SLC12A7: variants seen among roughly 807,000 people sequenced by gnomAD.
The protein encoded by SLC12A7 is K-Cl cotransporter 4.
In SLC12A7, 100 loss-of-function variants were observed where a neutral mutation model predicts 120.6. The ratio of observed to expected loss-of-function variants is 0.83; its 90% CI spans 0.71 to 0.98. The LOEUF is 0.98. Among genes scored for constraint, SLC12A7 ranks in the 50% least tolerant of loss-of-function variants. SLC12A7 has a pLI of 0.00. For synonymous variants in SLC12A7, 760 were observed against 678.0 expected, an observed-to-expected ratio of 1.12 and a Z score of -1.88; for missense variants, 1,373 against 1,548.1, an observed-to-expected ratio of 0.89 and a Z score of 1.90.
At chr5:1,155,515 A>G in the SLC12A7 span, among the ~76,000 whole-genome samples, 1 of 151,660 alleles carries the variant, frequency 6.6e-6, no homozygotes, top group African/African-American at 2.4e-5. Flanking sequence ...AGGTCCCCGG[A>G]GCGCGCGGCG....
chr5:1,118,194 C>T, the SLC12A7 span, among the ~76,000 whole-genome samples: 2 of 152,176 alleles, frequency 1.3e-5, no homozygotes, highest in African/African-American at 2.4e-5. Context: ...ATTGCGATTC[C>T]CCTGATTTGA....
At chr5:1,116,717 C>G (rs2126312879), upstream of SLC12A7, among the ~76,000 whole-genome samples, 1 of 152,316 alleles carries the variant, frequency 6.6e-6, no homozygotes, top group South Asian at 2.1e-4. Context: ...CAGAATCTCA[C>G]ACGGACGCCC....
At chr5:1,140,639 G>T in the SLC12A7 span, among the ~76,000 whole-genome samples, 3 of 152,250 alleles carry the variant, frequency 2.0e-5, no homozygotes, top group Non-Finnish European at 4.4e-5. Context: ...AACTCGCACC[G>T]CTGGCTCCAC....
At chr5:1,100,764 G>A (rs924279006) in intron 1 of SLC12A7, among the ~76,000 whole-genome samples, 2 of 152,188 alleles carry the variant, frequency 1.3e-5, no homozygotes, top group African/African-American at 4.8e-5. Context: ...CTCTAAAAAG[G>A]ACCAGGACTC....
chr5:1,063,839 C>A lies in SLC12A7; in HGVS notation c.2739+5G>T. On this transcript the variant is annotated splice_donor_5th_base_variant and intron_variant, in intron 20 of 23. Transcript: ENST00000264930. ...GCCTCCTCCCCTCAAGCCCTCGGGA[C>A]TCACCATCTCCACCACCTCCACCTC... 1.3e-6 allele frequency: 2 copies of A among 1,532,084 alleles called. No individual in the cohort carries two copies. The highest frequency in any genetic ancestry group is 4.8e-5 in the East Asian group (2 of 41,306). The allele number at this position is 1,532,084 out of a possible 1,614,324, so 94.9% of individuals were successfully genotyped here. A position where few individuals can be genotyped will look rare whatever the true frequency, so the allele number is the denominator to read the frequency against.
rs1243345860 is a variant in SLC12A7 at position 1,083,969 on chromosome 5, G to A, written c.918-13C>T. Reference sequence around the variant, plus strand: ...CAGGAGGCAGACCCTGGGCGGGACAGGGAGGCACGGCACGTGTGCTGCCAC... The same window carrying A: ...CAGGAGGCAGACCCTGGGCGGGACAAGGAGGCACGGCACGTGTGCTGCCAC... On this transcript the variant is annotated splice_polypyrimidine_tract_variant and intron_variant, in intron 7 of 23. Coordinates refer to ENST00000264930, the MANE Select transcript of SLC12A7 (RefSeq NM_006598.3). The A allele has an allele frequency of 1.3e-6, 2 of 1,597,420 alleles. No homozygotes were observed. The highest frequency in any genetic ancestry group is 1.7e-6 in the Non-Finnish European group (2 of 1,178,640).
At position 1,057,301 on chromosome 5, in the gene SLC12A7, C is replaced by G; in HGVS notation, c.3026+170G>C. 3 of 663,040 alleles carry G rather than the reference C, an allele frequency of 4.5e-6. No individual in the cohort carries two copies. In the South Asian group the frequency reaches 6.7e-5, roughly 15 times the overall value. The allele number at this position is 663,040 out of a possible 1,614,324, so 41.1% of individuals were successfully genotyped here. On this transcript the variant is annotated intron_variant, in intron 22 of 23. Transcript: ENST00000264930. ...TGAACTCAGGGCCCGGCCTTGGCAC[C>G]AAAAGGACCCCTCAGTGCCCACTCA...
chr5:1,088,266 C>T (rs770041518), intron 5 of SLC12A7, 40 bp downstream of exon 5: 1 of 1,559,760 alleles, frequency 6.4e-7, no homozygotes, highest in South Asian at 1.2e-5. Context: ...ACAGACTCCT[C>T]TAACAGGACT....
intron 1 of SLC12A7, among the ~76,000 whole-genome samples, chr5:1,107,680 C>T (rs1389827941): frequency 6.6e-6 from 1 of 152,214 alleles, no homozygotes; most frequent in Non-Finnish European, 1.5e-5. Context: ...GGGAGAGGCA[C>T]TGAGAAAGCC....
intron 14 of SLC12A7, 129 bp downstream of exon 14, chr5:1,076,009 C>G (rs1738286168): frequency 2.8e-6 from 2 of 725,448 alleles, no homozygotes; most frequent in Admixed American, 5.7e-5. Flanking sequence ...GAGCAGCTGG[C>G]CTTGTAGAGG....
In SLC12A7 at chr5:1,085,263, T is replaced by C. The variant is rs751276055; in HGVS notation, c.886A>G (p.Ile296Val). ...TCCGGGGGGTCGAAGGCAGACTTGATGACGCCGGCATAGATGGCCAGGATG... is the reference window on the plus strand; with the variant it reads ...TCCGGGGGGTCGAAGGCAGACTTGACGACGCCGGCATAGATGGCCAGGATG... ...LSILAIYAGV[I>V]KSAFDPPDIP... is the part of the protein sequence containing the mutation. Residue 296 changes from isoleucine to valine, a missense_variant, in exon 7 of 24, where the codon ATC becomes GTC. By Grantham distance (29) the Ile-to-Val change is conservative. Coordinates refer to ENST00000264930, the MANE Select transcript of SLC12A7 (RefSeq NM_006598.3). 1.2e-6 allele frequency: 2 copies of C among 1,612,344 alleles called. No homozygotes were observed. Among genetic ancestry groups the C allele is most frequent in the African/African-American group, 2.7e-5 (2 of 74,840 alleles).
chr5:1,108,825 C>T (rs1742764751), intron 1 of SLC12A7, among the ~76,000 whole-genome samples: 1 of 152,156 alleles, frequency 6.6e-6, no homozygotes, highest in Admixed American at 6.5e-5. Flanking sequence ...CCAACACGGA[C>T]ACGGTAGGTA....
At chr5:1,088,891 A>G (rs1740182115) in intron 4 of SLC12A7, 91 bp downstream of exon 4, 7 of 1,531,860 alleles carry the variant, frequency 4.6e-6, no homozygotes, top group Non-Finnish European at 6.2e-6. Context: ...GCACAACCAC[A>G]GCGGCCAGGG....
chr5:1,129,380 G>A, the SLC12A7 span, among the ~76,000 whole-genome samples: 1 of 152,204 alleles, frequency 6.6e-6, no homozygotes, highest in African/African-American at 2.4e-5. Context: ...AAGGCAAGGA[G>A]GTGGCCATGG....
the SLC12A7 span, among the ~76,000 whole-genome samples, chr5:1,121,370 CG>C: frequency 6.6e-6 from 1 of 152,188 alleles, no homozygotes; most frequent in Non-Finnish European, 1.5e-5. Flanking sequence ...CTGAGGCCCA[CG>C]GGAAAGCTCA....
chr5:1,144,485 G>A, the SLC12A7 span, among the ~76,000 whole-genome samples: 1 of 152,220 alleles, frequency 6.6e-6, no homozygotes, highest in Admixed American at 6.5e-5. Context: ...TGACAATTTG[G>A]GGGCAGGAAT....
chr5:1,073,305 C>G (rs911217403), intron 17 of SLC12A7, among the ~76,000 whole-genome samples: 5 of 152,090 alleles, frequency 3.3e-5, no homozygotes, highest in African/African-American at 1.2e-4. Context: ...TATGCAGCCC[C>G]CAGTGAGCCT....
intron 21 of SLC12A7, 131 bp from the exon 22 acceptor site, chr5:1,057,780 C>A (rs941758953): frequency 5.9e-6 from 5 of 846,880 alleles, no homozygotes; most frequent in Admixed American, 2.8e-5. Flanking sequence ...GACCCGGGAC[C>A]CAGCCTGGCG....
chr5:1,065,078 G>A (rs1736869138), intron 18 of SLC12A7, among the ~76,000 whole-genome samples: 1 of 147,800 alleles, frequency 6.8e-6, no homozygotes, highest in Non-Finnish European at 1.5e-5. Context: ...GGACAGCAAG[G>A]GGACACTGAG....
Sources: gnomAD v4.1 joint callset for allele counts (sites outside exome capture counted in the v4.1 genomes callset) on GRCh38, gnomAD v4.1.1 for gene constraint, MANE v1.5 for transcripts, NCBI Gene and HGNC (gene_info 2026-07-23, HGNC 2026-07-21) for gene names.